Variants in GRIK1 observed in about 807,000 individuals in gnomAD.
The protein encoded by GRIK1 is glutamate ionotropic receptor kainate type subunit 1.
Under a neutral mutation model 105.7 loss-of-function variants are expected in GRIK1, and 69 were observed. The ratio of observed to expected loss-of-function variants is 0.65; its 90% confidence interval spans 0.54 to 0.80. GRIK1 has a LOEUF of 0.80. Among genes scored for constraint, GRIK1 ranks in the 30% least tolerant of loss-of-function variants. The pLI, the probability that GRIK1 is intolerant of heterozygous loss-of-function variation, is 0.00. For missense variants in GRIK1, 1,109 were observed against 1,167.3 expected, an observed-to-expected ratio of 0.95 and a Z score of 0.73; for synonymous variants, 438 against 431.3, an observed-to-expected ratio of 1.02 and a Z score of -0.19.
chr21:29,839,242 G>T (rs1036165938), intron 1 of GRIK1, among the ~76,000 whole-genome samples: 2 of 151,954 alleles, frequency 1.3e-5, no homozygotes, highest in African/African-American at 4.8e-5. Context: ...TAGAGACAGG[G>T]TTTCATTATG....
intron 6 of GRIK1, 79 bp downstream of exon 6, chr21:29,651,039 T>G (rs2062724669): frequency 9.4e-7 from 1 of 1,059,242 alleles, no homozygotes; most frequent in African/African-American, 1.6e-5. Context: ...TTTTCTCTAA[T>G]ATTTTAAAGA....
At chr21:29,567,465 T>C (rs1215621227) in intron 14 of GRIK1, among the ~76,000 whole-genome samples, 1 of 152,186 alleles carries the variant, frequency 6.6e-6, no homozygotes, top group Non-Finnish European at 1.5e-5. Flanking sequence ...GCTGATGATT[T>C]TATATATCGA....
At chr21:29,889,875 T>A (rs1395616440) in intron 1 of GRIK1, among the ~76,000 whole-genome samples, 11 of 151,920 alleles carry the variant, frequency 7.2e-5, no homozygotes, top group Admixed American at 7.2e-4. Flanking sequence ...AAGCTAAGTA[T>A]AAGTTTCTTA....
rs1212175041 is a variant in GRIK1 at position 29,807,741 on chromosome 21, A to G, written c.119-113678T>C. Reference sequence around the variant, plus strand: ...ATTACCTCAGCTCTTCAGATGCTTCATAGAACCAGACCCAGCCACTATTTT... The same window carrying G: ...ATTACCTCAGCTCTTCAGATGCTTCGTAGAACCAGACCCAGCCACTATTTT... On this transcript the variant is annotated intron_variant, in intron 1 of 17. Coordinates refer to ENST00000327783, the MANE Select transcript of GRIK1 (RefSeq NM_001330994.2). Among the ~76,000 whole-genome samples, 4 of 152,192 alleles carry G rather than the reference A, an allele frequency of 2.6e-5. No homozygotes were observed. In the East Asian group the frequency reaches 7.7e-4, roughly 29 times the overall value.
chr21:29,752,550 G>C (rs560228578), intron 1 of GRIK1, among the ~76,000 whole-genome samples: 1 of 152,250 alleles, frequency 6.6e-6, no homozygotes, highest in South Asian at 2.1e-4. Context: ...ATATGGCCAG[G>C]CACAGTGGCT....
intron 12 of GRIK1, among the ~76,000 whole-genome samples, chr21:29,586,786 T>C (rs2091139577): frequency 6.6e-6 from 1 of 152,146 alleles, no homozygotes; most frequent in African/African-American, 2.4e-5. Flanking sequence ...AGCACAAAGG[T>C]TTCATGCCTC....
At chr21:29,551,191 A>G (rs2146113898) in intron 16 of GRIK1, among the ~76,000 whole-genome samples, 1 of 152,346 alleles carries the variant, frequency 6.6e-6, no homozygotes, top group South Asian at 2.1e-4. Context: ...AAAACTTGTG[A>G]CGCACACTGA....
chr21:29,800,418 C>T (rs548779918), intron 1 of GRIK1, among the ~76,000 whole-genome samples: 1 of 152,266 alleles, frequency 6.6e-6, no homozygotes, highest in African/African-American at 2.4e-5. Context: ...AAGAAGACAC[C>T]TTTATTAAGC....
intron 16 of GRIK1, chr21:29,553,736 A>G: frequency 1.4e-6 from 2 of 1,424,030 alleles, no homozygotes; most frequent in Middle Eastern, 1.8e-4. Context: ...AAAAAAATAT[A>G]GAAAAATGAA....
At chr21:29,661,244 A>G (rs753714454) in intron 4 of GRIK1, among the ~76,000 whole-genome samples, 4 of 152,264 alleles carry the variant, frequency 2.6e-5, no homozygotes, top group Admixed American at 6.5e-5. Context: ...ACAGAAAGAT[A>G]TCCATCTACT....
rs893444962 is a variant in GRIK1 at position 29,649,862 on chromosome 21, T to C, written c.954+1256A>G. 4.6e-5 allele frequency among the ~76,000 whole-genome samples: 7 copies of C among 152,334 alleles called. No homozygotes were observed. The South Asian group carries it at 1.0e-3, about 23-fold the overall frequency. ...ATCTCATCCTGTGATTGAAACTTCA[T>C]TGGAAAAGTGGGCAGAGGATTTCGA... On this transcript the variant is annotated intron_variant, in intron 6 of 17. Coordinates refer to ENST00000327783, the MANE Select transcript of GRIK1 (RefSeq NM_001330994.2).
intron 1 of GRIK1, among the ~76,000 whole-genome samples, chr21:29,717,420 CTG>C (rs1480710444): frequency 2.0e-5 from 3 of 152,344 alleles, no homozygotes; most frequent in Admixed American, 2.0e-4. Flanking sequence ...GGGAGGGGGA[CTG>C]TACCATGCAA....
At chr21:29,693,247 A>G (rs536441490) in intron 2 of GRIK1, among the ~76,000 whole-genome samples, 2 of 152,342 alleles carry the variant, frequency 1.3e-5, no homozygotes, top group African/African-American at 4.8e-5. Context: ...AATATTGTCT[A>G]GAAGATGTCT....
intron 1 of GRIK1, among the ~76,000 whole-genome samples, chr21:29,859,620 A>G (rs1020287219): frequency 6.6e-6 from 1 of 152,198 alleles, no homozygotes; most frequent in Non-Finnish European, 1.5e-5. Context: ...GCAGTAATGC[A>G]CTTGGCCAGT....
At chr21:29,604,566 A>C (rs186277045) in intron 7 of GRIK1, among the ~76,000 whole-genome samples, 6 of 152,342 alleles carry the variant, frequency 3.9e-5, no homozygotes, top group Non-Finnish European at 7.4e-5. Flanking sequence ...ACAGGGCTGA[A>C]GCATATACAA....
chr21:29,632,568 C>T (rs987939530), intron 7 of GRIK1, among the ~76,000 whole-genome samples: 1 of 152,072 alleles, frequency 6.6e-6, no homozygotes, highest in African/African-American at 2.4e-5. Flanking sequence ...CCTCACTTCC[C>T]TCCATAAATA....
chr21:29,607,381 C>T (rs927397427), intron 7 of GRIK1, among the ~76,000 whole-genome samples: 5 of 150,500 alleles, frequency 3.3e-5, no homozygotes, highest in African/African-American at 1.2e-4. Context: ...CCCTCAATAG[C>T]TGCCTATCTC....
At chr21:29,860,127 G>A (rs1417538676) in intron 1 of GRIK1, among the ~76,000 whole-genome samples, 4 of 152,196 alleles carry the variant, frequency 2.6e-5, no homozygotes, top group Non-Finnish European at 4.4e-5. Flanking sequence ...TTTCACTCTA[G>A]GCCAGGGTTT....
At chr21:29,781,628 T>C (rs1177051751) in intron 1 of GRIK1, among the ~76,000 whole-genome samples, 2 of 151,282 alleles carry the variant, frequency 1.3e-5, no homozygotes, top group Non-Finnish European at 2.9e-5. Context: ...ACTATCCCTG[T>C]TCTTACATGT....
Sources: gnomAD v4.1 joint callset for allele counts (sites outside exome capture counted in the v4.1 genomes callset) on GRCh38, gnomAD v4.1.1 for gene constraint, MANE v1.5 for transcripts, NCBI Gene and HGNC (gene_info 2026-07-23, HGNC 2026-07-21) for gene names.